Variants in DENND2D observed in about 807,000 individuals in gnomAD.
DENND2D encodes DENN domain containing 2D, also known as DENN domain-containing protein 2D.
In DENND2D, 37 loss-of-function variants were observed where a neutral mutation model predicts 59.8. The observed-to-expected ratio is 0.62, with a 90% CI of 0.48 to 0.81. The LOEUF is 0.81. DENND2D is among the 40% of genes least tolerant of loss of function. The pLI is 0.00. For missense variants in DENND2D, 525 were observed against 579.7 expected (o/e 0.91, Z 0.97); for synonymous variants, 219 against 211.3 (o/e 1.04, Z -0.31).
In DENND2D at chr1:111,187,521, C is replaced by T. The variant is rs1274821009; in HGVS notation, c.*84G>A. The stretch of plus-strand genomic sequence containing the variant: ...TGAGGATATGGATTTTGGGAGCTGA[C>T]AGTTTTGCTGATCCTGCCACACTGG... On this transcript the variant is annotated 3_prime_UTR_variant, in exon 12 of 12. Transcript: ENST00000357640. 2 of 1,155,956 alleles carry T rather than the reference C, an allele frequency of 1.7e-6. No individual in the cohort carries two copies. The highest frequency in any genetic ancestry group is 3.0e-5 in the African/African-American group (2 of 65,654). 71.6% of individuals were successfully genotyped at this position (1,155,956 alleles called of 1,614,324 possible). A position where few individuals can be genotyped will look rare whatever the true frequency, so the allele number is the denominator to read the frequency against.
chr1:111,195,758 G>A, intron 6 of DENND2D, 158 bp downstream of exon 6: 1 of 1,045,662 alleles, frequency 9.6e-7, no homozygotes, highest in Non-Finnish European at 1.4e-6. Flanking sequence ...GAAAATCTGG[G>A]TTTGATTTCA....
chr1:111,204,264 G>A (rs1319918155), upstream of DENND2D: 3 of 1,456,930 alleles, frequency 2.1e-6, no homozygotes, highest in African/African-American at 1.5e-5. Flanking sequence ...TGCCCACGCC[G>A]TCCCCCCGCG....
rs1291388626 is a variant in DENND2D, at chr1:111,187,523, GT to G, written c.*81del. The G allele has an allele frequency of 6.6e-6, 8 of 1,210,380 alleles. No homozygotes were observed. In the East Asian group the frequency reaches 1.9e-4, roughly 28 times the overall value. The allele number at this position is 1,210,380 out of a possible 1,614,324, so 75.0% of individuals were successfully genotyped here. ...AGGATATGGATTTTGGGAGCTGACA[GT>G]TTTGCTGATCCTGCCACACTGGCAG... On this transcript the variant is annotated 3_prime_UTR_variant, in exon 12 of 12. Transcript: ENST00000357640.
chr1:111,198,567 A>G, intron 3 of DENND2D, 63 bp downstream of exon 3: 2 of 1,510,942 alleles, frequency 1.3e-6, no homozygotes, highest in Non-Finnish European at 1.8e-6. Context: ...TACAGGAGCC[A>G]CAGAACTCAC....
intron 6 of DENND2D, 131 bp from the exon 7 acceptor site, chr1:111,194,857 C>A: frequency 9.9e-7 from 1 of 1,009,876 alleles, no homozygotes; most frequent in Non-Finnish European, 1.5e-6. Flanking sequence ...TCTCTGTCCC[C>A]CTGCTAATTG....
chr1:111,201,499 G>A (rs866839072), upstream of DENND2D: 5 of 152,450 alleles, frequency 3.3e-5, no homozygotes, highest in African/African-American at 1.2e-4. Flanking sequence ...GTCAGGCCAG[G>A]TCAGCTGTTC....
chr1:111,202,712 C>CACACACACAT (rs1658926719), upstream of DENND2D, among the ~76,000 whole-genome samples: 1 of 151,668 alleles, frequency 6.6e-6, no homozygotes, highest in Admixed American at 6.6e-5. Flanking sequence ...CACACACACA[C>CACACACACAT]ACACACACAC....
chr1:111,188,559 C>G (rs573203791), intron 10 of DENND2D, 143 bp downstream of exon 10: 1 of 1,170,498 alleles, frequency 8.5e-7, no homozygotes, highest in East Asian at 2.3e-5. Context: ...AATACAATCC[C>G]AAATTCAGAC....
chr1:111,193,950 G>A (rs1425655654), intron 7 of DENND2D, among the ~76,000 whole-genome samples: 9 of 152,178 alleles, frequency 5.9e-5, no homozygotes, highest in Admixed American at 5.9e-4. Context: ...GGTACCTAAT[G>A]TGCATTATTT....
Position 111,186,353 on chromosome 1 carries a change from C to T in DENND2D, c.*1252G>A, listed in dbSNP as rs1027687138. ...TGAAGAATAGTAGTGTAGCTAAGCA[C>T]GGTGTGTGGACAGTGGGACATCTGC... is the stretch of plus-strand genomic sequence containing the variant. On this transcript the variant is annotated 3_prime_UTR_variant, in exon 12 of 12. Coordinates refer to ENST00000357640, the MANE Select transcript of DENND2D (RefSeq NM_024901.5). 5.3e-5 allele frequency among the ~76,000 whole-genome samples: 8 copies of T among 152,148 alleles called. No homozygotes were observed. Among genetic ancestry groups the T allele is most frequent in the African/African-American group, 1.2e-4 (5 of 41,430 alleles).
chr1:111,196,217 G>T, intron 5 of DENND2D, 161 bp from the exon 6 acceptor site: 1 of 789,788 alleles, frequency 1.3e-6, no homozygotes, highest in Non-Finnish European at 1.9e-6. Flanking sequence ...CTCCCTCCCT[G>T]GCAGAGGCTG....
chr1:111,198,791 TAGC>T, intron 2 of DENND2D, 49 bp from the exon 3 acceptor site: 1 of 1,599,692 alleles, frequency 6.3e-7, no homozygotes, highest in Non-Finnish European at 8.6e-7. Flanking sequence ...GGGGCAGAGA[TAGC>T]AGGAGACAGC....
At chr1:111,200,329 G>C in intron 1 of DENND2D, 64 bp downstream of exon 1, 1 of 1,568,288 alleles carries the variant, frequency 6.4e-7, no homozygotes, top group Non-Finnish European at 8.7e-7. Context: ...GCATTTCAAG[G>C]AAGAAACAGT....
chr1:111,204,294 AC>A, upstream of DENND2D: 4 of 1,478,032 alleles, frequency 2.7e-6, no homozygotes, highest in Non-Finnish European at 1.8e-6. Flanking sequence ...GCCGGCACTA[AC>A]CCCCATGGCC....
chr1:111,204,304 C>A, upstream of DENND2D: 1 of 1,481,926 alleles, frequency 6.7e-7, no homozygotes, highest in Non-Finnish European at 8.9e-7. Context: ...ACCCCCATGG[C>A]CGCGCTTCAG....
intron 7 of DENND2D, among the ~76,000 whole-genome samples, chr1:111,193,880 T>C (rs1657984945): frequency 6.6e-6 from 1 of 152,210 alleles, no homozygotes; most frequent in Admixed American, 6.5e-5. Flanking sequence ...AGGGATATAC[T>C]CAACTGTGAA....
chr1:111,188,029 C>T, intron 11 of DENND2D, 102 bp downstream of exon 11: 2 of 1,474,284 alleles, frequency 1.4e-6, no homozygotes, highest in East Asian at 2.3e-5. Flanking sequence ...CTACCTACAG[C>T]TATTTTGTGG....
chr1:111,186,743 G>A lies in DENND2D; in HGVS notation c.*862C>T, dbSNP rs1443414543. 6.6e-6 allele frequency among the ~76,000 whole-genome samples: 1 copy of A among 152,152 alleles called. No individual in the cohort carries two copies. The highest frequency in any genetic ancestry group is 1.5e-5 in the Non-Finnish European group (1 of 68,022). The stretch of plus-strand genomic sequence containing the variant: ...GTGCTGCTCAAAATAAAGATCAGTT[G>A]GAGGTAGGATGTCCAAGACTGAAGG... On this transcript the variant is annotated 3_prime_UTR_variant, in exon 12 of 12. Transcript: ENST00000357640.
chr1:111,188,197 ACTT>A lies in DENND2D; in HGVS notation c.1270_1272del (p.Lys424del). ...AGTGAGAAGAGCTGTGTCTTCACAA[ACTT>A]CTTCACAAATCGGCGGTTGGTCTTG... On this transcript the variant is annotated inframe_deletion, in exon 11 of 12. Coordinates refer to ENST00000357640, the MANE Select transcript of DENND2D (RefSeq NM_024901.5). 1 of 1,614,002 alleles carries A rather than the reference ACTT, an allele frequency of 6.2e-7. No individual in the cohort carries two copies. Among genetic ancestry groups the A allele is most frequent in the South Asian group, 1.1e-5 (1 of 91,058 alleles).
Sources: gnomAD v4.1 joint callset for allele counts (sites outside exome capture counted in the v4.1 genomes callset) on GRCh38, gnomAD v4.1.1 for gene constraint, MANE v1.5 for transcripts, NCBI Gene and HGNC (gene_info 2026-07-23, HGNC 2026-07-21) for gene names.